Variants in FSD2 observed in about 807,000 individuals in gnomAD.
FSD2 encodes fibronectin type III and SPRY domain containing 2.
FSD2 carries 71 observed loss-of-function variants against 80.4 expected under a neutral mutation model. The ratio of observed to expected loss-of-function variants is 0.88; its 90% CI spans 0.73 to 1.08. The LOEUF (loss-of-function observed/expected upper bound fraction) is 1.08, where lower values mean the gene tolerates loss of function less well. Ranked by LOEUF, FSD2 falls within the 50% of genes least tolerant of loss-of-function variation. The pLI, the probability that FSD2 is intolerant of heterozygous loss-of-function variation, is 0.00. For synonymous variants in FSD2, 361 were observed against 329.5 expected (o/e 1.10, Z -1.03); for missense variants, 923 against 913.8 (o/e 1.01, Z -0.13).
intron 9 of FSD2, among the ~76,000 whole-genome samples, chr15:82,767,612 A>T (rs557370742): frequency 6.6e-6 from 1 of 152,300 alleles, no homozygotes; most frequent in South Asian, 2.1e-4. Context: ...CATCATTGTG[A>T]GTTGGTCCCA....
chr15:82,802,526 A>G lies in FSD2; in HGVS notation c.-79+3440T>C, dbSNP rs75289066. Among the ~76,000 whole-genome samples the G allele has an allele frequency of 8.5e-3, 1,301 of 152,290 alleles. 13 individuals carry two copies. The highest frequency in any genetic ancestry group is 0.028 in the African/African-American group (1,174 of 41,552). On this transcript the variant is annotated intron_variant, in intron 1 of 12. Transcript: ENST00000334574. ...AGCTAATCAGAATTACCCACATTGC[A>G]TAGAAATAATGTCTTACCATTAACA... is the stretch of plus-strand genomic sequence containing the variant.
At chr15:82,768,751 C>T in intron 9 of FSD2, 129 bp downstream of exon 9, 1 of 872,290 alleles carries the variant, frequency 1.1e-6, no homozygotes. Context: ...GAACACTAAG[C>T]AACCAAAAAT....
intron 1 of FSD2, among the ~76,000 whole-genome samples, chr15:82,804,132 T>G (rs1428264910): frequency 6.6e-6 from 1 of 151,996 alleles, no homozygotes; most frequent in African/African-American, 2.4e-5. Flanking sequence ...TCATGGAGAG[T>G]GACCACAGCA....
chr15:82,772,168 C>T lies in FSD2; in HGVS notation c.1172G>A (p.Arg391Gln), dbSNP rs753958916. 8.1e-6 allele frequency: 13 copies of T among 1,612,372 alleles called. No homozygotes were observed. The highest frequency in any genetic ancestry group is 2.7e-5 in the African/African-American group (2 of 74,896). Residue 391 changes from arginine (R) to glutamine (Q), a missense_variant, in exon 7 of 13, where the codon CGA (arginine) becomes CAA (glutamine). By Grantham distance (43) the Arg-to-Gln change is conservative. Transcript: ENST00000334574. ...VPNSATGSSVRVCWSLYSDDT... is the reference protein window; with the variant it reads ...VPNSATGSSVQVCWSLYSDDT... ...GTCGGAGTATAAGCTCCAGCACACT[C>T]GGACTGAGGAACCTGTGGCTGAGTT...
chr15:82,755,581 T>C lies in FSD2; in HGVS notation c.*3767A>G, dbSNP rs1040366907. ...GGGCTTAATTTTTTTTTTTTTTTTT[T>C]CTGGAACTGGTGATAGCAGAAAACA... On this transcript the variant is annotated 3_prime_UTR_variant, in exon 13 of 13. Coordinates refer to ENST00000334574, the MANE Select transcript of FSD2 (RefSeq NM_001007122.4). The C allele has an allele frequency of 6.6e-6, 1 of 150,932 alleles. No individual in the cohort carries two copies. 9.3% of individuals were successfully genotyped at this position (150,932 alleles called of 1,614,324 possible).
intron 3 of FSD2, among the ~76,000 whole-genome samples, chr15:82,785,141 G>A (rs893597930): frequency 3.9e-5 from 6 of 152,002 alleles, no homozygotes; most frequent in African/African-American, 1.4e-4. Flanking sequence ...TATCTCAGTC[G>A]TCTTGGCATC....
rs1229812556 is a variant in FSD2, at chr15:82,786,517, A to G, written c.729T>C (p.Thr243=). 1.2e-6 allele frequency: 2 copies of G among 1,612,292 alleles called. No individual in the cohort carries two copies. The highest frequency in any genetic ancestry group is 1.7e-6 in the Non-Finnish European group (2 of 1,178,664). ...TCTTCAAGTGTGCTCTTACCTCCACAGTGATGAAAACCTCCTCCAAATGAT... is the reference window on the plus strand; with the variant it reads ...TCTTCAAGTGTGCTCTTACCTCCACGGTGATGAAAACCTCCTCCAAATGAT... ...FANHLEEVFI[T]VEENFGKQEQ... is the part of the protein sequence containing the mutation. Residue 243 remains threonine (T), a synonymous_variant, in exon 3 of 13, where the codon ACT becomes ACC. Coordinates refer to ENST00000334574, the MANE Select transcript of FSD2 (RefSeq NM_001007122.4).
chr15:82,768,855 C>T, intron 9 of FSD2, 25 bp downstream of exon 9: 2 of 1,462,454 alleles, frequency 1.4e-6, no homozygotes, highest in East Asian at 2.5e-5. Context: ...GGCTCTCGTG[C>T]CCAGCAAATG....
At chr15:82,766,313 A>G (rs1321996156) in intron 9 of FSD2, among the ~76,000 whole-genome samples, 1 of 152,110 alleles carries the variant, frequency 6.6e-6, no homozygotes, top group Non-Finnish European at 1.5e-5. Context: ...TGTGCTTGGC[A>G]TATGGTTAAC....
At chr15:82,793,970 T>C (rs1019946318) in intron 1 of FSD2, among the ~76,000 whole-genome samples, 6 of 152,042 alleles carry the variant, frequency 3.9e-5, no homozygotes, top group African/African-American at 1.4e-4. Context: ...TAATTTTCCC[T>C]ATTGTTTTTC....
At chr15:82,760,595 T>TAC (rs397746473) in intron 12 of FSD2, among the ~76,000 whole-genome samples, 1 of 151,320 alleles carries the variant, frequency 6.6e-6, no homozygotes, top group Non-Finnish European at 1.5e-5. Context: ...CCAGAAGCTA[T>TAC]GAGTCGTTTC....
At chr15:82,780,335 TTC>T in intron 4 of FSD2, 68 bp from the exon 5 acceptor site, 3 of 1,215,632 alleles carry the variant, frequency 2.5e-6, no homozygotes, top group African/African-American at 1.6e-5. Flanking sequence ...TTTTCTTTCT[TTC>T]TTTTTTTTTT....
At chr15:82,792,823 T>C (rs1182459975) in intron 1 of FSD2, among the ~76,000 whole-genome samples, 2 of 152,202 alleles carry the variant, frequency 1.3e-5, no homozygotes, top group Non-Finnish European at 2.9e-5. Context: ...TGTGACTAGA[T>C]TCAGTGTGCT....
chr15:82,777,238 T>C (rs2049735244), intron 6 of FSD2, among the ~76,000 whole-genome samples: 1 of 152,176 alleles, frequency 6.6e-6, no homozygotes, highest in East Asian at 1.9e-4. Flanking sequence ...TACATCATAC[T>C]AAAATAGCTT....
chr15:82,778,826 C>G lies in FSD2; in HGVS notation c.1051G>C (p.Asp351His), dbSNP rs190144401. 248 of 1,613,906 alleles carry G rather than the reference C, an allele frequency of 1.5e-4. No individual in the cohort carries two copies. The African/African-American group carries it at 3.1e-3, about 20-fold the overall frequency. ...VEISAQPEFE[D>H]QTLDFSDVEQ... ...ACATCAGAGAAATCCAAGGTCTGGT[C>G]TTCAAACTCAGGCTGTGCAGAGATT... The change falls in exon 6 of 13, where the codon GAC becomes CAC. Residue 351 changes from aspartate (D) to histidine (H), a missense_variant. Asp to His is a moderately conservative substitution (Grantham distance 81). Coordinates refer to ENST00000334574, the MANE Select transcript of FSD2 (RefSeq NM_001007122.4).
At chr15:82,800,691 C>CAAAAA (rs769762172) in intron 1 of FSD2, among the ~76,000 whole-genome samples, 561 of 47,734 alleles carry the variant, frequency 0.012, 46 homozygotes, top group African/African-American at 0.018. Context: ...GATTCTGTCT[C>CAAAAA]AAAAAAAAAA....
intron 6 of FSD2, 43 bp downstream of exon 6, chr15:82,778,723 G>A: frequency 6.4e-7 from 1 of 1,550,764 alleles, no homozygotes; most frequent in Non-Finnish European, 8.7e-7. Flanking sequence ...AAAAAGCTCT[G>A]GGTAGTCTGA....
At position 82,772,148 on chromosome 15, in the gene FSD2, A is replaced by G. The variant is rs1267827391; in HGVS notation, c.1192T>C (p.Ser398Pro). 2 of 1,611,620 alleles carry G rather than the reference A, an allele frequency of 1.2e-6. No homozygotes were observed. ...SSVRVCWSLY[S>P]DDTVESYQLS... is the part of the protein sequence containing the mutation. ...TGATAGCTCTCCACAGTGTCGTCGG[A>G]GTATAAGCTCCAGCACACTCGGACT... Residue 398 changes from serine (S) to proline (P), a missense_variant, in exon 7 of 13, where the codon TCC becomes CCC. By Grantham distance (74) the Ser-to-Pro change is moderately conservative. Transcript: ENST00000334574.
In FSD2 at chr15:82,765,237, T is replaced by A; in HGVS notation, c.1749A>T (p.Gly583=). The change falls in exon 11 of 13, where the codon GGA becomes GGT. Residue 583 remains glycine, a synonymous_variant. Coordinates refer to ENST00000334574, the MANE Select transcript of FSD2 (RefSeq NM_001007122.4). The part of the protein sequence containing the change: ...CHPWLTISED[G]LTAVRSERRT... ...TCCTTTCACTTCGTACAGCCGTAAG[T>A]CCGTCTTCAGAAATGGTCAGCCAGG... 6.2e-7 allele frequency: 1 copy of A among 1,612,882 alleles called. No individual in the cohort carries two copies. The highest frequency in any genetic ancestry group is 8.5e-7 in the Non-Finnish European group (1 of 1,179,446).
Sources: gnomAD v4.1 joint callset for allele counts (sites outside exome capture counted in the v4.1 genomes callset) on GRCh38, gnomAD v4.1.1 for gene constraint, MANE v1.5 for transcripts, NCBI Gene and HGNC (gene_info 2026-07-23, HGNC 2026-07-21) for gene names.